The following CPT1A variants were observed in gnomAD, a reference collection of about 807,000 sequenced individuals.
CPT1A encodes carnitine palmitoyltransferase 1A.
In CPT1A, 64 loss-of-function variants were observed where a neutral mutation model predicts 100.8. That is an observed-to-expected ratio of 0.63 (90% CI 0.52 to 0.78). The LOEUF is 0.78. Among genes scored for constraint, CPT1A ranks in the 30% least tolerant of loss-of-function variants. The pLI is 0.00. For missense variants in CPT1A, 802 were observed against 1,034.1 expected (o/e 0.78, Z 3.08); for synonymous variants, 363 against 396.0 (o/e 0.92, Z 0.99).
At chr11:68,828,839 CCTT>C (rs1458806893) in intron 1 of CPT1A, among the ~76,000 whole-genome samples, 1 of 152,168 alleles carries the variant, frequency 6.6e-6, no homozygotes, top group Non-Finnish European at 1.5e-5. Flanking sequence ...ACTTCCCGTT[CCTT>C]CTTCCTCCTG....
rs1043940273 is a variant in CPT1A at position 68,815,603 on chromosome 11, T to C, written c.-13-116A>G. The C allele has an allele frequency of 2.0e-5, 20 of 1,015,358 alleles. No homozygotes were observed. The African/African-American group carries it at 2.6e-4, about 13-fold the overall frequency. The allele number at this position is 1,015,358 out of a possible 1,614,324, so 62.9% of individuals were successfully genotyped here. A position where few individuals can be genotyped will look rare whatever the true frequency, so the allele number is the denominator to read the frequency against. On this transcript the variant is annotated intron_variant, in intron 1 of 18. Coordinates refer to ENST00000265641, the MANE Select transcript of CPT1A (RefSeq NM_001876.4). ...AAGTTCTTCCTCGCCACTTAACAGA[T>C]TTAATACTTTTCATCAACAGACCAA...
At position 68,760,255 on chromosome 11, in the gene CPT1A, C is replaced by T. The variant is rs944580360; in HGVS notation, c.2112G>A (p.Glu704=). ...CAAAGCCCCCTCCGCTGGACACGTA[C>T]TCTGGGTTATTCTCCAAGTCAAACA... ...VELFDLENNP[E]YVSSGGGFGP... is the part of the protein sequence containing the mutation. The change falls in exon 17 of 19, where the codon GAG becomes GAA. Residue 704 remains glutamate (E), a synonymous_variant. Transcript: ENST00000265641. 3.1e-6 allele frequency: 5 copies of T among 1,612,164 alleles called. No individual in the cohort carries two copies. In the South Asian group the frequency reaches 5.5e-5, roughly 18 times the overall value.
rs116703340 is a variant in CPT1A at position 68,840,510 on chromosome 11, T to C, written c.-14+1265A>G. 7.5e-3 allele frequency among the ~76,000 whole-genome samples: 1,147 copies of C among 152,362 alleles called. 11 individuals carry two copies. Among genetic ancestry groups the C allele is most frequent in the African/African-American group, 0.026 (1,066 of 41,586 alleles). Reference sequence around the variant, plus strand: ...GTAACTTACAAAGTTACCAGCTTCCTACTAAAATCTGCCCTTAAATATTTT... The same window carrying C: ...GTAACTTACAAAGTTACCAGCTTCCCACTAAAATCTGCCCTTAAATATTTT... On this transcript the variant is annotated intron_variant, in intron 1 of 18. Coordinates refer to ENST00000265641, the MANE Select transcript of CPT1A (RefSeq NM_001876.4).
At chr11:68,792,885 T>TA (rs955631780) in intron 9 of CPT1A, among the ~76,000 whole-genome samples, 1 of 151,942 alleles carries the variant, frequency 6.6e-6, no homozygotes, top group African/African-American at 2.4e-5. Context: ...CTCATCTCTA[T>TA]AAAAAATGCA....
chr11:68,821,638 C>A (rs1856584523), intron 1 of CPT1A, among the ~76,000 whole-genome samples: 2 of 152,152 alleles, frequency 1.3e-5, no homozygotes, highest in Admixed American at 1.3e-4. Context: ...ATAATGAATA[C>A]CTTATAAATG....
At chr11:68,789,396 C>A (rs1325466769) in intron 9 of CPT1A, among the ~76,000 whole-genome samples, 4 of 151,832 alleles carry the variant, frequency 2.6e-5, no homozygotes, top group Non-Finnish European at 5.9e-5. Flanking sequence ...ATACATTTAC[C>A]TTTCTTTATT....
intron 1 of CPT1A, among the ~76,000 whole-genome samples, chr11:68,815,964 G>A (rs902720920): frequency 7.0e-6 from 1 of 142,650 alleles, no homozygotes; most frequent in African/African-American, 2.7e-5. Context: ...CGGGAACCAC[G>A]CCTCCAAGCC....
At chr11:68,821,776 T>C (rs924714177) in intron 1 of CPT1A, among the ~76,000 whole-genome samples, 1 of 152,160 alleles carries the variant, frequency 6.6e-6, no homozygotes, top group Non-Finnish European at 1.5e-5. Flanking sequence ...AGCCTGAGGA[T>C]ACAAAGCTGA....
intron 1 of CPT1A, among the ~76,000 whole-genome samples, chr11:68,833,495 G>A (rs1296813069): frequency 6.6e-6 from 1 of 152,236 alleles, no homozygotes; most frequent in Non-Finnish European, 1.5e-5. Flanking sequence ...GTTGGCTCAC[G>A]CCTGTAATCC....
chr11:68,796,363 C>T (rs1165275462), intron 7 of CPT1A, among the ~76,000 whole-genome samples: 1 of 152,014 alleles, frequency 6.6e-6, no homozygotes, highest in African/African-American at 2.4e-5. Context: ...TCGAGACCAG[C>T]CTGGATAACA....
intron 2 of CPT1A, among the ~76,000 whole-genome samples, chr11:68,814,069 C>T (rs1856304424): frequency 6.6e-6 from 1 of 151,938 alleles, no homozygotes; most frequent in Non-Finnish European, 1.5e-5. Context: ...ACTGAGTTAC[C>T]GCTGGGGCTG....
intron 1 of CPT1A, among the ~76,000 whole-genome samples, chr11:68,827,823 C>T (rs1233292927): frequency 1.3e-5 from 2 of 152,170 alleles, no homozygotes; most frequent in East Asian, 1.9e-4. Flanking sequence ...ACTCTGTGCG[C>T]GGTCCTGCAA....
At chr11:68,807,237 C>T (rs887258741) in intron 4 of CPT1A, among the ~76,000 whole-genome samples, 2 of 152,090 alleles carry the variant, frequency 1.3e-5, no homozygotes, top group African/African-American at 4.8e-5. Context: ...GAGCAGACCT[C>T]AATATAAAAT....
intron 5 of CPT1A, 104 bp from the exon 6 acceptor site, chr11:68,799,459 A>G: frequency 7.5e-7 from 1 of 1,326,424 alleles, no homozygotes; most frequent in Non-Finnish European, 1.1e-6. Flanking sequence ...CACATTGAAA[A>G]GGTTTTAGGC....
chr11:68,821,310 G>A (rs774545290), intron 1 of CPT1A, among the ~76,000 whole-genome samples: 20 of 152,236 alleles, frequency 1.3e-4, no homozygotes, highest in Non-Finnish European at 2.4e-4. Flanking sequence ...CCACCACCAC[G>A]ACTGGCTAAT....
intron 3 of CPT1A, 26 bp from the exon 4 acceptor site, chr11:68,807,664 A>G: frequency 2.5e-6 from 4 of 1,613,048 alleles, no homozygotes; most frequent in Non-Finnish European, 2.5e-6. Context: ...CAGACAAGGG[A>G]GGCTGTGCGT....
intron 1 of CPT1A, among the ~76,000 whole-genome samples, chr11:68,832,788 C>T (rs180720173): frequency 6.6e-6 from 1 of 152,380 alleles, no homozygotes; most frequent in African/African-American, 2.4e-5. Flanking sequence ...TCTCCTCCAG[C>T]GGTAAACAAC....
chr11:68,817,488 G>A (rs1424790569), intron 1 of CPT1A, among the ~76,000 whole-genome samples: 1 of 152,154 alleles, frequency 6.6e-6, no homozygotes, highest in Admixed American at 6.6e-5. Flanking sequence ...CTTAGACCGG[G>A]CTAACAAGCA....
At chr11:68,812,703 GT>G in intron 2 of CPT1A, 127 bp from the exon 3 acceptor site, 10 of 1,081,270 alleles carry the variant, frequency 9.2e-6, no homozygotes, top group Non-Finnish European at 1.2e-5. Context: ...GACAGCGTGC[GT>G]GCACTGAGAA....
Sources: allele counts gnomAD v4.1 joint callset (sites outside exome capture counted in the v4.1 genomes callset), GRCh38; gene constraint gnomAD v4.1.1; transcripts MANE v1.5; gene names NCBI Gene and HGNC (gene_info 2026-07-23, HGNC 2026-07-21).